FRMPD4: variants seen among roughly 807,000 people sequenced by gnomAD.
The protein encoded by FRMPD4 is FERM and PDZ domain-containing protein 4.
A neutral mutation model predicts 94.1 loss-of-function variants in FRMPD4; 22 were observed. That is an observed-to-expected ratio of 0.23 (90% CI 0.17 to 0.33). The LOEUF (loss-of-function observed/expected upper bound fraction) is 0.33. Ranked by LOEUF, FRMPD4 falls within the 10% of genes least tolerant of loss-of-function variation. FRMPD4 has a pLI of 1.00. For synonymous variants in FRMPD4, 631 were observed against 548.6 expected (o/e 1.15, Z -2.10); for missense variants, 1,111 against 1,339.9 (o/e 0.83, Z 2.67).
At chrX:12,388,190 A>C (rs963947387) in intron 1 of FRMPD4, among the ~76,000 whole-genome samples, 1 of 111,820 alleles carries the variant, frequency 8.9e-6, no homozygotes, top group Middle Eastern at 4.2e-3. Flanking sequence ...GGGTCTATAC[A>C]TATGTAAAAA....
chrX:12,392,230 G>A (rs778205683), intron 1 of FRMPD4, among the ~76,000 whole-genome samples: 7 of 106,728 alleles, frequency 6.6e-5, no homozygotes, highest in Admixed American at 5.0e-4. Flanking sequence ...GGGTAGAAAC[G>A]GGGTTTCACC....
chrX:12,439,920 A>G lies in FRMPD4; in HGVS notation c.42-58760A>G, dbSNP rs774576096. Among the ~76,000 whole-genome samples, 11 of 112,403 alleles carry G rather than the reference A, an allele frequency of 9.8e-5. No homozygotes were observed. In the Middle Eastern group the frequency reaches 0.014, roughly 141 times the overall value. ...ATGGGGGGTTGAAAACTAGAGTTCTATAAAATGAGACAAAACAAAAGAACA... is the reference window on the plus strand; with the variant it reads ...ATGGGGGGTTGAAAACTAGAGTTCTGTAAAATGAGACAAAACAAAAGAACA... On this transcript the variant is annotated intron_variant, in intron 1 of 16. Coordinates refer to ENST00000675598, the MANE Select transcript of FRMPD4 (RefSeq NM_001368397.1).
At chrX:12,652,726 A>G (rs2059607570) in intron 4 of FRMPD4, among the ~76,000 whole-genome samples, 1 of 112,183 alleles carries the variant, frequency 8.9e-6, no homozygotes, top group Non-Finnish European at 1.9e-5. Flanking sequence ...CCTGGAAACT[A>G]CAGATTAGTT....
chrX:12,426,679 T>C (rs2056948257), intron 1 of FRMPD4, among the ~76,000 whole-genome samples: 1 of 110,840 alleles, frequency 9.0e-6, no homozygotes, highest in African/African-American at 3.3e-5. Context: ...GAAGGAGTAA[T>C]AAAGTAACCT....
chrX:11,886,635 G>A (rs369460383), intron 3 of FRMPD4, among the ~76,000 whole-genome samples: 3 of 111,290 alleles, frequency 2.7e-5, no homozygotes, highest in South Asian at 7.7e-4. Context: ...TGTTTGCCCA[G>A]GAAGACCATC....
At chrX:12,639,015 C>G (rs1398914565) in intron 4 of FRMPD4, among the ~76,000 whole-genome samples, 1 of 111,893 alleles carries the variant, frequency 8.9e-6, no homozygotes, top group African/African-American at 3.2e-5. Flanking sequence ...CAGGGTTCTT[C>G]TGGTCTCCAA....
chrX:11,950,696 G>A (rs1283232031), intron 3 of FRMPD4, among the ~76,000 whole-genome samples: 2 of 111,413 alleles, frequency 1.8e-5, no homozygotes, highest in Admixed American at 9.6e-5. Flanking sequence ...CAACATCACT[G>A]ATCATTAGAG....
intron 1 of FRMPD4, among the ~76,000 whole-genome samples, chrX:12,283,460 A>C (rs750987705): frequency 8.9e-6 from 1 of 112,438 alleles, no homozygotes; most frequent in Non-Finnish European, 1.9e-5. Context: ...AGACAAGGTC[A>C]GATGGTGGCA....
chrX:11,977,717 G>A (rs923331922), intron 3 of FRMPD4, among the ~76,000 whole-genome samples: 1 of 110,331 alleles, frequency 9.1e-6, no homozygotes, highest in Non-Finnish European at 1.9e-5. Context: ...AGCTGGGGTT[G>A]GGGGTTTGGG....
chrX:12,382,256 A>C (rs2056327354), intron 1 of FRMPD4, among the ~76,000 whole-genome samples: 1 of 112,006 alleles, frequency 8.9e-6, no homozygotes, highest in Non-Finnish European at 1.9e-5. Flanking sequence ...GAACATGGGT[A>C]GCTGAGAAAC....
At chrX:12,674,810 T>A in intron 4 of FRMPD4, 53 bp from the exon 5 acceptor site, 1 of 752,784 alleles carries the variant, frequency 1.3e-6, no homozygotes, top group Non-Finnish European at 2.1e-6. Context: ...TCTTACTAGT[T>A]AGAGTCCGGG....
At chrX:11,999,828 T>C (rs1212495467) in intron 3 of FRMPD4, among the ~76,000 whole-genome samples, 1 of 111,781 alleles carries the variant, frequency 8.9e-6, no homozygotes, top group Non-Finnish European at 1.9e-5. Flanking sequence ...TAAAAACCTC[T>C]TCACAGAATG....
intron 1 of FRMPD4, among the ~76,000 whole-genome samples, chrX:12,272,476 G>A (rs984722505): frequency 5.4e-5 from 6 of 111,576 alleles, no homozygotes; most frequent in South Asian, 3.8e-4. Flanking sequence ...TTTAAATGAC[G>A]AAAGAGTAGA....
chrX:12,288,554 G>C (rs925977720), intron 1 of FRMPD4, among the ~76,000 whole-genome samples: 1 of 111,284 alleles, frequency 9.0e-6, no homozygotes, highest in Non-Finnish European at 1.9e-5. Flanking sequence ...GAAGAAATGA[G>C]AAAGCTTCAC....
At chrX:12,713,481 G>GGA (rs9331478) in intron 14 of FRMPD4, among the ~76,000 whole-genome samples, 73 of 105,201 alleles carry the variant, frequency 6.9e-4, no homozygotes, top group East Asian at 1.2e-3. Flanking sequence ...GGAGGTAGGT[G>GGA]GAGAGAGAGA....
At chrX:12,710,164 A>G (rs1359129221) in intron 13 of FRMPD4, among the ~76,000 whole-genome samples, 1 of 111,034 alleles carries the variant, frequency 9.0e-6, no homozygotes, top group Non-Finnish European at 1.9e-5. Flanking sequence ...AGACAGACAT[A>G]TATATATATG....
intron 8 of FRMPD4, among the ~76,000 whole-genome samples, chrX:12,691,579 A>G (rs1356511511): frequency 8.9e-6 from 1 of 111,766 alleles, no homozygotes; most frequent in Non-Finnish European, 1.9e-5. Flanking sequence ...CCCCTGATAT[A>G]CAGAATCTCT....
At chrX:11,846,651 CA>C (rs1272917338) in intron 1 of FRMPD4, among the ~76,000 whole-genome samples, 1 of 107,471 alleles carries the variant, frequency 9.3e-6, no homozygotes. Flanking sequence ...CTACAGTAAC[CA>C]AAACAGCATG....
At chrX:12,207,224 T>G (rs1338030199) in intron 1 of FRMPD4, among the ~76,000 whole-genome samples, 1 of 111,940 alleles carries the variant, frequency 8.9e-6, no homozygotes, top group Non-Finnish European at 1.9e-5. Context: ...AGACTTTTTG[T>G]TTTTGGCAAG....
Sources: allele counts gnomAD v4.1 joint callset (sites outside exome capture counted in the v4.1 genomes callset), GRCh38; gene constraint gnomAD v4.1.1; transcripts MANE v1.5; gene names NCBI Gene and HGNC (gene_info 2026-07-23, HGNC 2026-07-21).